Variants in DGKB observed in about 807,000 individuals in gnomAD.
DGKB encodes 90 kDa diacylglycerol kinase.
In DGKB, 67 loss-of-function variants were observed where a neutral mutation model predicts 114.3. The observed-to-expected ratio is 0.59, with a 90% confidence interval of 0.48 to 0.72. The LOEUF (loss-of-function observed/expected upper bound fraction) is 0.72. DGKB is among the 30% of genes least tolerant of loss of function. DGKB has a pLI of 0.00. For missense variants in DGKB, 907 were observed against 975.2 expected (o/e 0.93, Z 0.93); for synonymous variants, 398 against 323.1 (o/e 1.23, Z -2.49).
chr7:14,339,013 A>T (rs1811155193), intron 22 of DGKB, among the ~76,000 whole-genome samples: 1 of 152,048 alleles, frequency 6.6e-6, no homozygotes, highest in South Asian at 2.1e-4. Flanking sequence ...ATATTTAACC[A>T]GCTGCAAATT....
rs1376027931 is a variant in DGKB at position 14,188,919 on chromosome 7, A to C, written c.2123-10768T>G. Among the ~76,000 whole-genome samples the C allele has an allele frequency of 3.3e-5, 5 of 152,266 alleles. No individual in the cohort carries two copies. In the East Asian group the frequency reaches 7.7e-4, roughly 24 times the overall value. On this transcript the variant is annotated intron_variant, in intron 23 of 25. Transcript: ENST00000402815. ...AAGAAAAAAAAGCTGTCAGTTGAGA[A>C]TATTATATAAAGCAAAGATATTTTT...
At chr7:14,958,902 T>C (rs1786678812) in intron 1 of DGKB, among the ~76,000 whole-genome samples, 1 of 152,032 alleles carries the variant, frequency 6.6e-6, no homozygotes, top group Admixed American at 6.6e-5. Flanking sequence ...AAAATGACTG[T>C]GTTTATTTCT....
At chr7:14,637,040 T>C (rs2128865413) in intron 13 of DGKB, among the ~76,000 whole-genome samples, 1 of 151,912 alleles carries the variant, frequency 6.6e-6, no homozygotes, top group East Asian at 1.9e-4. Context: ...GGACACATGA[T>C]ACATAGCGCA....
chr7:14,183,908 C>T (rs150565509), intron 23 of DGKB, among the ~76,000 whole-genome samples: 80 of 152,316 alleles, frequency 5.3e-4, no homozygotes, highest in African/African-American at 1.8e-3. Flanking sequence ...GACACACAGA[C>T]GCTCTGACGG....
At chr7:14,677,801 A>G (rs766683318) in intron 12 of DGKB, among the ~76,000 whole-genome samples, 1 of 152,100 alleles carries the variant, frequency 6.6e-6, no homozygotes, top group Non-Finnish European at 1.5e-5. Context: ...ATTGAAATAT[A>G]AAACACAGAG....
chr7:14,408,974 C>T (rs1754304810), intron 21 of DGKB, among the ~76,000 whole-genome samples: 1 of 152,048 alleles, frequency 6.6e-6, no homozygotes, highest in Admixed American at 6.6e-5. Flanking sequence ...AGTATACATA[C>T]ATTTATTATT....
At chr7:14,966,912 C>G (rs538440421) in intron 1 of DGKB, among the ~76,000 whole-genome samples, 3 of 151,978 alleles carry the variant, frequency 2.0e-5, no homozygotes, top group Non-Finnish European at 4.4e-5. Flanking sequence ...ATGCAAGATG[C>G]TTAATATCTA....
intron 23 of DGKB, among the ~76,000 whole-genome samples, chr7:14,298,153 G>A (rs1802903564): frequency 6.6e-6 from 1 of 152,152 alleles, no homozygotes; most frequent in South Asian, 2.1e-4. Flanking sequence ...TGGATTCAGT[G>A]TGATTCCCAC....
At chr7:14,437,697 TA>T (rs540098848) in intron 21 of DGKB, among the ~76,000 whole-genome samples, 512 of 151,638 alleles carry the variant, frequency 3.4e-3, no homozygotes, top group African/African-American at 0.011. Flanking sequence ...TCTGGTGAAT[TA>T]AAAATATATT....
chr7:14,726,496 G>T (rs1490956832), intron 5 of DGKB, among the ~76,000 whole-genome samples: 1 of 152,110 alleles, frequency 6.6e-6, no homozygotes, highest in Non-Finnish European at 1.5e-5. Flanking sequence ...ATAAATCAGA[G>T]GAAACTGTCT....
In DGKB at chr7:14,682,883, C is replaced by G. The variant is rs773676978; in HGVS notation, c.830-42G>C. The G allele has an allele frequency of 3.6e-6, 5 of 1,382,490 alleles. No individual in the cohort carries two copies. The East Asian group carries it at 7.4e-5, about 21-fold the overall frequency. 85.6% of individuals were successfully genotyped at this position (1,382,490 alleles called of 1,614,324 possible). On this transcript the variant is annotated intron_variant, in intron 10 of 25. Transcript: ENST00000402815. Reference sequence around the variant, plus strand: ...ACACAAATTCAGAGCTAATCCTGGTCCTGGTTGTAATTTTATAGAGAAAGA... The same window carrying G: ...ACACAAATTCAGAGCTAATCCTGGTGCTGGTTGTAATTTTATAGAGAAAGA...
chr7:14,257,714 C>A (rs1243799958), intron 23 of DGKB, among the ~76,000 whole-genome samples: 1 of 152,000 alleles, frequency 6.6e-6, no homozygotes, highest in Non-Finnish European at 1.5e-5. Context: ...AACTATGAGT[C>A]TATTAAACCT....
At chr7:14,811,145 A>G (rs1843381760) in intron 2 of DGKB, among the ~76,000 whole-genome samples, 1 of 152,116 alleles carries the variant, frequency 6.6e-6, no homozygotes, top group Non-Finnish European at 1.5e-5. Context: ...GAAGCTCAGA[A>G]TAGATCTCGC....
At chr7:14,850,170 G>A (rs1179157491) in intron 1 of DGKB, among the ~76,000 whole-genome samples, 3 of 152,194 alleles carry the variant, frequency 2.0e-5, no homozygotes, top group Non-Finnish European at 4.4e-5. Context: ...GGCCACTGGT[G>A]ACTTTAGCAA....
intron 12 of DGKB, among the ~76,000 whole-genome samples, chr7:14,673,952 C>G (rs1294798400): frequency 6.6e-6 from 1 of 151,808 alleles, no homozygotes; most frequent in Non-Finnish European, 1.5e-5. Context: ...CATTTTGAAT[C>G]AAAAGCTACC....
chr7:14,766,788 T>C (rs1329111780), intron 2 of DGKB, among the ~76,000 whole-genome samples: 6 of 151,810 alleles, frequency 4.0e-5, no homozygotes, highest in Non-Finnish European at 7.4e-5. Flanking sequence ...GGAAAAGAGA[T>C]GCAATCTGCT....
chr7:14,748,612 G>A (rs1288315725), intron 4 of DGKB, among the ~76,000 whole-genome samples: 2 of 152,120 alleles, frequency 1.3e-5, no homozygotes, highest in Non-Finnish European at 2.9e-5. Flanking sequence ...TCAAGCTGTG[G>A]CAATGTGTGG....
chr7:14,506,796 C>A (rs570122130), intron 20 of DGKB, among the ~76,000 whole-genome samples: 1 of 152,310 alleles, frequency 6.6e-6, no homozygotes, highest in Admixed American at 6.5e-5. Flanking sequence ...ATGGCTAAGG[C>A]TGCTGGTACT....
At chr7:14,248,132 G>A (rs1046504877) in intron 23 of DGKB, among the ~76,000 whole-genome samples, 9 of 151,970 alleles carry the variant, frequency 5.9e-5, no homozygotes, top group African/African-American at 1.7e-4. Flanking sequence ...TGTGTTCTTG[G>A]CACCTATGTG....
Sources: gnomAD v4.1 joint callset for allele counts (sites outside exome capture counted in the v4.1 genomes callset) on GRCh38, gnomAD v4.1.1 for gene constraint, MANE v1.5 for transcripts, NCBI Gene and HGNC (gene_info 2026-07-23, HGNC 2026-07-21) for gene names.